Variants in PPM1H observed in about 807,000 individuals in gnomAD.
The protein encoded by PPM1H is protein phosphatase, Mg2+/Mn2+ dependent 1H.
A neutral mutation model predicts 54.9 loss-of-function variants in PPM1H; 27 were observed. That is an observed-to-expected ratio of 0.49 (90% CI 0.36 to 0.68). The LOEUF (loss-of-function observed/expected upper bound fraction) is 0.68, where lower values mean the gene tolerates loss of function less well. Among genes scored for constraint, PPM1H ranks in the 30% least tolerant of loss-of-function variants. The pLI, the probability that PPM1H is intolerant of heterozygous loss-of-function variation, is 0.00. For missense variants in PPM1H, 596 were observed against 667.8 expected (o/e 0.89, Z 1.19); for synonymous variants, 305 against 270.8 (o/e 1.13, Z -1.24).
chr12:62,677,065 C>A (rs1483139622), intron 8 of PPM1H, among the ~76,000 whole-genome samples: 1 of 152,102 alleles, frequency 6.6e-6, no homozygotes, highest in Non-Finnish European at 1.5e-5. Context: ...CTCACAGAGA[C>A]AATGGGACAA....
At chr12:62,694,301 C>T (rs1301716336) in intron 6 of PPM1H, among the ~76,000 whole-genome samples, 1 of 152,128 alleles carries the variant, frequency 6.6e-6, no homozygotes, top group Non-Finnish European at 1.5e-5. Flanking sequence ...AGTGACCCAG[C>T]AACAGTATTC....
In PPM1H at chr12:62,858,183, T is replaced by C. The variant is rs184556639; in HGVS notation, c.246-25904A>G. Among the ~76,000 whole-genome samples the C allele has an allele frequency of 5.7e-4, 87 of 152,156 alleles. No individual in the cohort carries two copies. The East Asian group carries it at 0.015, about 26-fold the overall frequency. On this transcript the variant is annotated intron_variant, in intron 1 of 9. Coordinates refer to ENST00000228705, the MANE Select transcript of PPM1H (RefSeq NM_020700.2). ...TTTCAGTAGCTGCCACAGAGAGCCT[T>C]GTATTATAATTACATAATCAGGTAT... is the stretch of plus-strand genomic sequence containing the variant.
chr12:62,672,976 A>AC (rs1260825770), intron 8 of PPM1H, among the ~76,000 whole-genome samples: 1 of 152,088 alleles, frequency 6.6e-6, no homozygotes, highest in East Asian at 1.9e-4. Context: ...CTTTCAGAAG[A>AC]CCCCCTCATT....
chr12:62,933,377 G>A (rs1592677307), intron 1 of PPM1H, among the ~76,000 whole-genome samples: 1 of 152,112 alleles, frequency 6.6e-6, no homozygotes, highest in African/African-American at 2.4e-5. Context: ...CACCAGAACA[G>A]GGTCAGCATC....
chr12:62,932,371 ATGCTTATC>A (rs1311673898), intron 1 of PPM1H, among the ~76,000 whole-genome samples: 1 of 152,000 alleles, frequency 6.6e-6, no homozygotes, highest in East Asian at 1.9e-4. Flanking sequence ...CCTTTCCCTC[ATGCTTATC>A]TGAGGCTTTC....
chr12:62,838,152 G>A (rs12310853), intron 1 of PPM1H, among the ~76,000 whole-genome samples: 2,725 of 152,226 alleles, frequency 0.018, 76 homozygotes, highest in African/African-American at 0.062. Flanking sequence ...TTGTTGTCTT[G>A]CTTTGTTTTC....
chr12:62,827,647 C>T (rs1868305578), intron 2 of PPM1H, among the ~76,000 whole-genome samples: 1 of 152,168 alleles, frequency 6.6e-6, no homozygotes. Flanking sequence ...GGAAGACATG[C>T]CTCATGTGCT....
chr12:62,714,349 G>T, intron 6 of PPM1H, among the ~76,000 whole-genome samples: 1 of 152,180 alleles, frequency 6.6e-6, no homozygotes, highest in Non-Finnish European at 1.5e-5. Flanking sequence ...AGGAGAAAAT[G>T]GGCTAACTCC....
Position 62,867,564 on chromosome 12 carries a change from A to ATTTTTTTTTTTTTTTTTTTTTT in PPM1H, c.246-35307_246-35286dup, listed in dbSNP as rs34772338. ...TCCTGAAATACATCTTATGAGCACT[A>ATTTTTTTTTTTTTTTTTTTTTT]TTTTTTTTTTTTTTTTTTTTTTTTT... On this transcript the variant is annotated intron_variant, in intron 1 of 9. Transcript: ENST00000228705. Among the ~76,000 whole-genome samples, 12 of 55,374 alleles carry ATTTTTTTTTTTTTTTTTTTTTT rather than the reference A, an allele frequency of 2.2e-4. 1 individual carries two copies. Among genetic ancestry groups the ATTTTTTTTTTTTTTTTTTTTTT allele is most frequent in the Non-Finnish European group, 3.8e-4 (11 of 29,228 alleles). 36.3% of individuals were successfully genotyped at this position (55,374 alleles called of 152,430 possible). A position where few individuals can be genotyped will look rare whatever the true frequency, so the allele number is the denominator to read the frequency against.
At chr12:62,725,692 TG>T (rs1329145303) in intron 5 of PPM1H, among the ~76,000 whole-genome samples, 1 of 152,222 alleles carries the variant, frequency 6.6e-6, no homozygotes, top group Admixed American at 6.5e-5. Flanking sequence ...TCTTTTCTTA[TG>T]GGGGACCTTG....
intron 3 of PPM1H, among the ~76,000 whole-genome samples, chr12:62,799,165 A>T (rs1030646852): frequency 3.3e-5 from 5 of 152,242 alleles, no homozygotes; most frequent in African/African-American, 1.2e-4. Context: ...GAATTGGTTC[A>T]TTAAAAGTAG....
In PPM1H at chr12:62,784,462, G is replaced by C. The variant is rs1055041588; in HGVS notation, c.869+3764C>G. Among the ~76,000 whole-genome samples, 7 of 152,262 alleles carry C rather than the reference G, an allele frequency of 4.6e-5. No homozygotes were observed. In the East Asian group the frequency reaches 1.4e-3, roughly 29 times the overall value. On this transcript the variant is annotated intron_variant, in intron 4 of 9. Transcript: ENST00000228705. ...CAGGGCAAAGCTTCTCTTTTCCTGA[G>C]CGTGAATAATTATGGGGGCAGTGAA...
intron 1 of PPM1H, among the ~76,000 whole-genome samples, chr12:62,888,874 G>A (rs1350924210): frequency 7.2e-5 from 11 of 152,154 alleles, no homozygotes; most frequent in Admixed American, 3.3e-4. Context: ...GTGATGCAAG[G>A]TGACGAAGCC....
intron 8 of PPM1H, among the ~76,000 whole-genome samples, chr12:62,670,820 T>C (rs1421525335): frequency 1.3e-5 from 2 of 152,224 alleles, no homozygotes; most frequent in East Asian, 3.8e-4. Flanking sequence ...CCCTGGTCTG[T>C]GAAGCACTCC....
At chr12:62,874,406 C>T (rs907550400) in intron 1 of PPM1H, among the ~76,000 whole-genome samples, 6 of 152,128 alleles carry the variant, frequency 3.9e-5, no homozygotes, top group African/African-American at 1.4e-4. Context: ...ACACCTTTAA[C>T]ATCTTACCCT....
At chr12:62,726,220 C>T (rs457951) in intron 5 of PPM1H, among the ~76,000 whole-genome samples, 1 of 152,166 alleles carries the variant, frequency 6.6e-6, no homozygotes, top group Non-Finnish European at 1.5e-5. Context: ...AAATGAGATG[C>T]TAAAATACAT....
rs146765864 is a variant in PPM1H, at chr12:62,802,653, G to A, written c.412-493C>T. On this transcript the variant is annotated intron_variant, in intron 2 of 9. Coordinates refer to ENST00000228705, the MANE Select transcript of PPM1H (RefSeq NM_020700.2). ...ATCTAGGCTCACTGCAACCTCCACC[G>A]CCCAGGTTCAAGCGATTCTCATGCC... Among the ~76,000 whole-genome samples the A allele has an allele frequency of 6.8e-3, 1,023 of 150,220 alleles. 4 individuals are homozygous for A. Among genetic ancestry groups the A allele is most frequent in the Middle Eastern group, 0.044 (13 of 294 alleles).
At chr12:62,822,082 C>CAA (rs202147046) in intron 2 of PPM1H, among the ~76,000 whole-genome samples, 4 of 149,124 alleles carry the variant, frequency 2.7e-5, no homozygotes, top group African/African-American at 9.9e-5. Context: ...AAATGGAAAG[C>CAA]AAAAAAAAAG....
intron 6 of PPM1H, among the ~76,000 whole-genome samples, chr12:62,715,335 G>A (rs192618206): frequency 1.1e-4 from 16 of 152,160 alleles, no homozygotes; most frequent in Admixed American, 2.0e-4. Flanking sequence ...GAGCCAAGGG[G>A]GTGATAGGGA....
Sources: gnomAD v4.1 joint callset for allele counts (sites outside exome capture counted in the v4.1 genomes callset) on GRCh38, gnomAD v4.1.1 for gene constraint, MANE v1.5 for transcripts, NCBI Gene and HGNC (gene_info 2026-07-23, HGNC 2026-07-21) for gene names.